Variants in NOP9 observed in about 807,000 individuals in gnomAD.
NOP9 encodes NOP9 nucleolar protein.
In NOP9, 50 loss-of-function variants were observed where a neutral mutation model predicts 63.0. The observed-to-expected ratio is 0.79, with a 90% CI of 0.63 to 1.00. The LOEUF (loss-of-function observed/expected upper bound fraction) is 1.00, where lower values mean the gene tolerates loss of function less well. Among genes scored for constraint, NOP9 ranks in the 50% least tolerant of loss-of-function variants. The probability of loss-of-function intolerance (pLI) is 0.00; values close to 1 mark genes in which losing one functional copy is unlikely to be tolerated. For synonymous variants in NOP9, 343 were observed against 332.8 expected, an observed-to-expected ratio of 1.03 and a Z score of -0.33; for missense variants, 758 against 803.0, an observed-to-expected ratio of 0.94 and a Z score of 0.68.
Position 24,299,870 on chromosome 14 carries a change from T to A in NOP9, c.-85T>A. On this transcript the variant is annotated 5_prime_UTR_variant, in exon 1 of 10. Transcript: ENST00000267425. ...AGCGCGCCCGCGTTTCTAAACTTTG[T>A]CTGGATAAGGCGCACGCTTGGCGAC... 10 of 1,455,382 alleles carry A rather than the reference T, an allele frequency of 6.9e-6. No homozygotes were observed. The highest frequency in any genetic ancestry group is 8.1e-6 in the Non-Finnish European group (9 of 1,104,608). The allele number at this position is 1,455,382 out of a possible 1,614,324, so 90.2% of individuals were successfully genotyped here. A position where few individuals can be genotyped will look rare whatever the true frequency, so the allele number is the denominator to read the frequency against.
the NOP9 span, among the ~76,000 whole-genome samples, chr14:24,287,120 C>T: frequency 1.7e-3 from 254 of 152,110 alleles, 2 homozygotes; most frequent in East Asian, 0.036. Flanking sequence ...GAATGCCTGA[C>T]CTCAAGTGAC....
At position 24,306,080 on chromosome 14, in the gene NOP9, C is replaced by T. The variant is rs147369401; in HGVS notation, c.*985C>T. 7.7e-5 allele frequency: 124 copies of T among 1,614,096 alleles called. No homozygotes were observed. The East Asian group carries it at 1.8e-3, about 23-fold the overall frequency. The stretch of plus-strand genomic sequence containing the variant: ...TTGTACACGTCAAAGGTGAATCGGG[C>T]GATGTCCTTGCTGTGCTTGGGCCTC... On this transcript the variant is annotated 3_prime_UTR_variant, in exon 10 of 10. Coordinates refer to ENST00000267425, the MANE Select transcript of NOP9 (RefSeq NM_174913.3).
chr14:24,300,365 C>A (rs1372417476), intron 1 of NOP9, 43 bp from the exon 2 acceptor site: 1 of 1,580,630 alleles, frequency 6.3e-7, no homozygotes, highest in Non-Finnish European at 8.6e-7. Flanking sequence ...TAACTGTATT[C>A]TCTACTAAGT....
the NOP9 span, among the ~76,000 whole-genome samples, chr14:24,274,975 C>T: frequency 1.4e-5 from 2 of 138,966 alleles, no homozygotes; most frequent in African/African-American, 5.4e-5. Flanking sequence ...TGCAATGGCA[C>T]CATCTTGGCT....
At chr14:24,273,423 C>G in the NOP9 span, among the ~76,000 whole-genome samples, 1 of 152,332 alleles carries the variant, frequency 6.6e-6, no homozygotes, top group Admixed American at 6.5e-5. Context: ...AGGTGATCTG[C>G]CCACCTTGGC....
At position 24,300,164 on chromosome 14, in the gene NOP9, A is replaced by G; in HGVS notation, c.210A>G (p.Ser70=). The change falls in exon 1 of 10, where the codon TCA becomes TCG. Residue 70 remains serine, a synonymous_variant. Coordinates refer to ENST00000267425, the MANE Select transcript of NOP9 (RefSeq NM_174913.3). ...EALGYFRRAL[S]ALKEAPETGE... is the part of the protein sequence containing the mutation. ...TGGGATATTTCCGCCGGGCGCTGTC[A>G]GCATTGAAAGAGGCTCCCGAGACTG... is the stretch of plus-strand genomic sequence containing the variant. 1 of 1,614,138 alleles carries G rather than the reference A, an allele frequency of 6.2e-7. No homozygotes were observed. The highest frequency in any genetic ancestry group is 8.5e-7 in the Non-Finnish European group (1 of 1,180,012).
In NOP9 at chr14:24,299,864, A is replaced by G; in HGVS notation, c.-91A>G. The G allele has an allele frequency of 6.9e-7, 1 of 1,449,498 alleles. No individual in the cohort carries two copies. The highest frequency in any genetic ancestry group is 9.1e-7 in the Non-Finnish European group (1 of 1,100,236). 89.8% of individuals were successfully genotyped at this position (1,449,498 alleles called of 1,614,324 possible). A position where few individuals can be genotyped will look rare whatever the true frequency, so the allele number is the denominator to read the frequency against. On this transcript the variant is annotated 5_prime_UTR_variant, in exon 1 of 10. Transcript: ENST00000267425. ...GTCAGGAGCGCGCCCGCGTTTCTAA[A>G]CTTTGTCTGGATAAGGCGCACGCTT... is the stretch of plus-strand genomic sequence containing the variant.
chr14:24,288,542 G>T, the NOP9 span, among the ~76,000 whole-genome samples: 1 of 152,244 alleles, frequency 6.6e-6, no homozygotes, highest in East Asian at 1.9e-4. Context: ...TAGAGATGGG[G>T]TTTCACCATG....
chr14:24,275,201 C>T, the NOP9 span, among the ~76,000 whole-genome samples: 1 of 152,248 alleles, frequency 6.6e-6, no homozygotes, highest in South Asian at 2.1e-4. Flanking sequence ...CGTGAGCCAC[C>T]GTGCCCTGAA....
rs909580508 is a variant in NOP9, at chr14:24,299,925, T to A, written c.-30T>A. 3 of 1,513,810 alleles carry A rather than the reference T, an allele frequency of 2.0e-6. No homozygotes were observed. The highest frequency in any genetic ancestry group is 2.6e-6 in the Non-Finnish European group (3 of 1,132,558). The allele number at this position is 1,513,810 out of a possible 1,614,324, so 93.8% of individuals were successfully genotyped here. A position where few individuals can be genotyped will look rare whatever the true frequency, so the allele number is the denominator to read the frequency against. The stretch of plus-strand genomic sequence containing the variant: ...AAGGTCCGTCCGCAGTTAAGGAAGC[T>A]TTTGCAGCCGGACAGGTCGCGAAGC... On this transcript the variant is annotated 5_prime_UTR_variant, in exon 1 of 10. Transcript: ENST00000267425.
upstream of NOP9, chr14:24,298,663 A>G (rs947880586): frequency 8.0e-5 from 24 of 300,820 alleles, 1 homozygote; most frequent in Middle Eastern, 1.0e-3. Context: ...ATCATGGCTC[A>G]ACTCCTAGGC....
In NOP9 at chr14:24,305,968, A is replaced by G. The variant is rs1244504359; in HGVS notation, c.*873A>G. On this transcript the variant is annotated 3_prime_UTR_variant, in exon 10 of 10. Coordinates refer to ENST00000267425, the MANE Select transcript of NOP9 (RefSeq NM_174913.3). ...TGACCTGAGTACTTTCTTTGGGCCA[A>G]GTCCTTGAAAGTCACAACTCATAGA... 1.2e-6 allele frequency: 2 copies of G among 1,613,972 alleles called. No homozygotes were observed. Among genetic ancestry groups the G allele is most frequent in the South Asian group, 1.1e-5 (1 of 91,062 alleles).
At chr14:24,302,533 C>T in intron 5 of NOP9, 109 bp downstream of exon 5, 2 of 1,074,598 alleles carry the variant, frequency 1.9e-6, no homozygotes, top group South Asian at 1.7e-5. Context: ...TGGCCATTGC[C>T]CTTGAAAAGC....
At chr14:24,290,758 G>GGGT in the NOP9 span, 2 of 1,474,464 alleles carry the variant, frequency 1.4e-6, no homozygotes, top group Admixed American at 3.5e-5. Flanking sequence ...TTCATATCAA[G>GGGT]GGTATGGGTA....
At chr14:24,279,474 G>A in the NOP9 span, among the ~76,000 whole-genome samples, 2 of 152,228 alleles carry the variant, frequency 1.3e-5, no homozygotes, top group East Asian at 3.8e-4. Context: ...GGGAGGGCAG[G>A]TCCCCAAGGT....
intron 5 of NOP9, 40 bp downstream of exon 5, chr14:24,302,464 C>G (rs765886331): frequency 1.3e-6 from 2 of 1,561,746 alleles, no homozygotes; most frequent in African/African-American, 1.3e-5. Context: ...TCTGCTAATT[C>G]TTGATCACTG....
chr14:24,286,222 A>G, the NOP9 span, among the ~76,000 whole-genome samples: 1 of 152,114 alleles, frequency 6.6e-6, no homozygotes, highest in Admixed American at 6.5e-5. Context: ...GTTTCATGGC[A>G]TCCCTCAAGC....
chr14:24,299,055 C>T (rs749581359), upstream of NOP9: 2 of 1,614,064 alleles, frequency 1.2e-6, no homozygotes, highest in South Asian at 1.1e-5. Context: ...CGGCCAATAC[C>T]CCTGGAGGCA....
the NOP9 span, chr14:24,291,643 A>G: frequency 6.2e-7 from 1 of 1,612,828 alleles, no homozygotes; most frequent in Non-Finnish European, 8.5e-7. Context: ...ACAGGGGCAG[A>G]GAAGTGAAGG....
Sources: gnomAD v4.1 joint callset for allele counts (sites outside exome capture counted in the v4.1 genomes callset) on GRCh38, gnomAD v4.1.1 for gene constraint, MANE v1.5 for transcripts, NCBI Gene and HGNC (gene_info 2026-07-23, HGNC 2026-07-21) for gene names.